Variants in C1GALT1 observed in about 807,000 individuals in gnomAD.
C1GALT1 encodes the protein core 1 synthase, glycoprotein-N-acetylgalactosamine 3-beta-galactosyltransferase 1.
A neutral mutation model predicts 31.0 loss-of-function variants in C1GALT1; 11 were observed. That is an observed-to-expected ratio of 0.36 (90% CI 0.22 to 0.59). The LOEUF is 0.59. C1GALT1 is among the 20% of genes least tolerant of loss of function. The probability of loss-of-function intolerance (pLI) is 0.79; values close to 1 mark genes in which losing one functional copy is unlikely to be tolerated. For missense variants in C1GALT1, 424 were observed against 425.2 expected (o/e 1.00, Z 0.03); for synonymous variants, 175 against 143.6 (o/e 1.22, Z -1.56).
intron 2 of C1GALT1, among the ~76,000 whole-genome samples, chr7:7,175,649 AT>A (rs751714112): frequency 6.6e-6 from 1 of 152,218 alleles, no homozygotes; most frequent in Admixed American, 6.5e-5. Flanking sequence ...AGGATCTTGC[AT>A]CAATCCTTCA....
At chr7:7,213,087 T>C (rs925566370) in intron 1 of C1GALT1, among the ~76,000 whole-genome samples, 1 of 152,228 alleles carries the variant, frequency 6.6e-6, no homozygotes, top group Admixed American at 6.5e-5. Flanking sequence ...TGCAGTCCAC[T>C]TAGTTAACTC....
chr7:7,183,337 G>C (rs1339365866), intron 1 of C1GALT1, among the ~76,000 whole-genome samples: 1 of 152,170 alleles, frequency 6.6e-6, no homozygotes, highest in East Asian at 1.9e-4. Context: ...TGAGCGCCCA[G>C]CGAGCGGGCT....
intron 1 of C1GALT1, among the ~76,000 whole-genome samples, chr7:7,211,940 C>T (rs1317046445): frequency 6.6e-6 from 1 of 152,136 alleles, no homozygotes; most frequent in Non-Finnish European, 1.5e-5. Flanking sequence ...GTATGATAAG[C>T]TTTGGAGCAA....
At chr7:7,163,850 A>G (rs1367247715) in intron 2 of C1GALT1, among the ~76,000 whole-genome samples, 1 of 151,736 alleles carries the variant, frequency 6.6e-6, no homozygotes, top group Non-Finnish European at 1.5e-5. Flanking sequence ...TTCCATGCTC[A>G]TGGGTAGGAA....
intron 2 of C1GALT1, among the ~76,000 whole-genome samples, chr7:7,161,596 C>A (rs917348513): frequency 3.3e-5 from 5 of 152,060 alleles, no homozygotes; most frequent in Non-Finnish European, 7.4e-5. Flanking sequence ...CTTTAACCAG[C>A]ACAACCACTA....
chr7:7,211,401 C>A (rs1019684275), intron 1 of C1GALT1, among the ~76,000 whole-genome samples: 1 of 152,142 alleles, frequency 6.6e-6, no homozygotes, highest in African/African-American at 2.4e-5. Flanking sequence ...GTGTTAATCA[C>A]CCCTAAACCC....
intron 1 of C1GALT1, among the ~76,000 whole-genome samples, chr7:7,213,914 C>T (rs1053991646): frequency 2.0e-5 from 3 of 152,190 alleles, no homozygotes; most frequent in African/African-American, 2.4e-5. Context: ...TGTAGTTCTT[C>T]TACCATGCAT....
rs911168837 is a variant in C1GALT1 at position 7,182,791 on chromosome 7, G to A, written c.-47G>A. 2 of 985,562 alleles carry A rather than the reference G, an allele frequency of 2.0e-6. No homozygotes were observed. Among genetic ancestry groups the A allele is most frequent in the Non-Finnish European group, 2.4e-6 (2 of 830,030 alleles). The allele number at this position is 985,562 out of a possible 1,614,324, so 61.1% of individuals were successfully genotyped here. A position where few individuals can be genotyped will look rare whatever the true frequency, so the allele number is the denominator to read the frequency against. On this transcript the variant is annotated 5_prime_UTR_variant, in exon 1 of 4. Transcript: ENST00000436587. ...TCGTCCCCCTCTCCGCCCCCCAGGA[G>A]GGGCGAGAGGGAGCCGCAGCTGATG...
chr7:7,244,409 C>T lies in C1GALT1; in HGVS notation c.*682C>T, dbSNP rs1164604480. On this transcript the variant is annotated 3_prime_UTR_variant, in exon 4 of 4. Transcript: ENST00000436587. ...TAATTAGTCATCTTTTACGCAATCT[C>T]TGTTGTCTCTTTTCTAAATGTGTTT... 2 of 152,136 alleles carry T rather than the reference C, an allele frequency of 1.3e-5. No individual in the cohort carries two copies. The highest frequency in any genetic ancestry group is 2.9e-5 in the Non-Finnish European group (2 of 67,992). 9.4% of individuals were successfully genotyped at this position (152,136 alleles called of 1,614,324 possible).
intron 2 of C1GALT1, among the ~76,000 whole-genome samples, chr7:7,170,203 T>C (rs1780438955): frequency 6.6e-6 from 1 of 152,224 alleles, no homozygotes; most frequent in Non-Finnish European, 1.5e-5. Flanking sequence ...AGCTAAAGGT[T>C]TGTCAATTTG....
chr7:7,203,996 C>T (rs993979286), intron 1 of C1GALT1, among the ~76,000 whole-genome samples: 12 of 151,942 alleles, frequency 7.9e-5, no homozygotes, highest in Admixed American at 7.2e-4. Flanking sequence ...TTTCTACTAT[C>T]CTTTGTTGGT....
In C1GALT1 at chr7:7,236,892, A is replaced by G. The variant is rs537298410; in HGVS notation, c.221-1363A>G. Among the ~76,000 whole-genome samples the G allele has an allele frequency of 1.2e-4, 18 of 152,260 alleles. No homozygotes were observed. In the South Asian group the frequency reaches 2.5e-3, roughly 21 times the overall value. The stretch of plus-strand genomic sequence containing the variant: ...ATTCCCTCTCAGTTGGTTAACTAGT[A>G]TATTATATGCCTCCATTGTTAATTT... On this transcript the variant is annotated intron_variant, in intron 2 of 3. Transcript: ENST00000436587.
intron 1 of C1GALT1, among the ~76,000 whole-genome samples, chr7:7,208,905 C>T (rs1245633582): frequency 1.3e-5 from 2 of 152,196 alleles, no homozygotes; most frequent in Non-Finnish European, 2.9e-5. Context: ...GTTTACCTTA[C>T]TGTCCAGGAC....
chr7:7,167,709 T>A (rs1488293376), intron 2 of C1GALT1, among the ~76,000 whole-genome samples: 2 of 152,120 alleles, frequency 1.3e-5, no homozygotes, highest in Non-Finnish European at 2.9e-5. Flanking sequence ...GACCCCCTGA[T>A]ACTACAGCTC....
intron 1 of C1GALT1, among the ~76,000 whole-genome samples, chr7:7,202,737 T>G (rs962211028): frequency 1.3e-5 from 2 of 152,332 alleles, no homozygotes; most frequent in East Asian, 3.9e-4. Flanking sequence ...AATTTTAGAA[T>G]GGATTTTTCT....
intron 1 of C1GALT1, among the ~76,000 whole-genome samples, chr7:7,222,637 A>G (rs1782561894): frequency 6.6e-6 from 1 of 152,220 alleles, no homozygotes; most frequent in Non-Finnish European, 1.5e-5. Flanking sequence ...CAGTTTGATT[A>G]CAGAAGACAG....
intron 1 of C1GALT1, among the ~76,000 whole-genome samples, chr7:7,227,883 C>G (rs1022813929): frequency 6.6e-6 from 1 of 152,210 alleles, no homozygotes; most frequent in African/African-American, 2.4e-5. Context: ...CTTGGACTTT[C>G]TAGCCTCCGT....
chr7:7,205,262 G>T (rs987130920), intron 1 of C1GALT1, among the ~76,000 whole-genome samples: 1 of 151,974 alleles, frequency 6.6e-6, no homozygotes, highest in Non-Finnish European at 1.5e-5. Flanking sequence ...TCCCCCCCAC[G>T]GAAATCTGCA....
intron 1 of C1GALT1, among the ~76,000 whole-genome samples, chr7:7,188,475 A>C (rs1780917634): frequency 6.6e-6 from 1 of 152,172 alleles, no homozygotes; most frequent in Non-Finnish European, 1.5e-5. Flanking sequence ...AGTGGACTTT[A>C]ATTTTTATCA....
Sources: gnomAD v4.1 joint callset for allele counts (sites outside exome capture counted in the v4.1 genomes callset) on GRCh38, gnomAD v4.1.1 for gene constraint, MANE v1.5 for transcripts, NCBI Gene and HGNC (gene_info 2026-07-23, HGNC 2026-07-21) for gene names.